The following SDF2 variants were observed in gnomAD, a reference collection of about 807,000 sequenced individuals.
SDF2 encodes the protein stromal cell derived factor 2.
A neutral mutation model predicts 20.5 loss-of-function variants in SDF2; 12 were observed. That is an observed-to-expected ratio of 0.58 (90% CI 0.37 to 0.95). SDF2 has a LOEUF of 0.95. SDF2 is among the 40% of genes least tolerant of loss of function. The pLI is 0.01. For synonymous variants in SDF2, 100 were observed against 101.0 expected, an observed-to-expected ratio of 0.99 and a Z score of 0.06; for missense variants, 238 against 263.1, an observed-to-expected ratio of 0.90 and a Z score of 0.66.
intron 2 of SDF2, 71 bp downstream of exon 2, chr17:28,655,216 A>C: frequency 8.5e-6 from 12 of 1,414,008 alleles, no homozygotes; most frequent in Non-Finnish European, 1.1e-5. Flanking sequence ...GAAACATTTA[A>C]GAACCAAGAG....
chr17:28,655,583 C>T, intron 1 of SDF2, 100 bp from the exon 2 acceptor site: 1 of 1,011,638 alleles, frequency 9.9e-7, no homozygotes, highest in Non-Finnish European at 1.5e-6. Context: ...TCACCTGTAA[C>T]CCACCACCAT....
intron 2 of SDF2, 150 bp from the exon 3 acceptor site, chr17:28,649,426 AG>A (rs2071893440): frequency 1.4e-6 from 1 of 708,712 alleles, no homozygotes; most frequent in African/African-American, 1.8e-5. Context: ...TGGGAAGCTG[AG>A]CAGGGCAGAT....
At chr17:28,649,941 TTTTATTTA>T (rs750927167) in intron 2 of SDF2, among the ~76,000 whole-genome samples, 3 of 151,026 alleles carry the variant, frequency 2.0e-5, no homozygotes, top group East Asian at 1.9e-4. Context: ...AGTGTTGTTA[TTTTATTTA>T]TTTATTTATT....
chr17:28,657,228 A>G (rs1168525465), intron 1 of SDF2, among the ~76,000 whole-genome samples: 2 of 152,106 alleles, frequency 1.3e-5, no homozygotes, highest in Non-Finnish European at 2.9e-5. Context: ...CTCTGTCTCA[A>G]AACAAAAACA....
At chr17:28,660,261 G>A (rs1271213099) in intron 1 of SDF2, among the ~76,000 whole-genome samples, 1 of 152,222 alleles carries the variant, frequency 6.6e-6, no homozygotes, top group Non-Finnish European at 1.5e-5. Flanking sequence ...AAGAGAGGGA[G>A]ACGGAGAGGG....
At chr17:28,661,083 T>TTAA (rs2072031297) in intron 1 of SDF2, 2 of 314,558 alleles carry the variant, frequency 6.4e-6, no homozygotes, top group Admixed American at 4.9e-5. Context: ...TTTCAAACGC[T>TTAA]AAAAAAAAAA....
Position 28,661,902 on chromosome 17 carries a change from T to C in SDF2, c.-26A>G, listed in dbSNP as rs1279652157. The C allele has an allele frequency of 4.4e-6, 7 of 1,582,186 alleles. No homozygotes were observed. The highest frequency in any genetic ancestry group is 6.1e-6 in the Non-Finnish European group (7 of 1,156,446). ...CCTAACTGTATCGCGGAGCCCCAAA[T>C]CTTCGAAGAAAACTCGGCCCCTCCC... On this transcript the variant is annotated 5_prime_UTR_variant, in exon 1 of 3. Transcript: ENST00000247020.
chr17:28,650,735 G>A (rs1347099834), intron 2 of SDF2, among the ~76,000 whole-genome samples: 2 of 138,198 alleles, frequency 1.4e-5, no homozygotes, highest in African/African-American at 5.4e-5. Context: ...GCCGTGAGCC[G>A]AAGGTTGCAG....
Position 28,649,233 on chromosome 17 carries a change from T to A in SDF2, c.392A>T (p.Asp131Val). Residue 131 changes from aspartate to valine, a missense_variant, in exon 3 of 3, where the codon GAT (aspartate) becomes GTT (valine). Coordinates refer to ENST00000247020, the MANE Select transcript of SDF2 (RefSeq NM_006923.4). Reference sequence around the variant, plus strand: ...TCCATTACAGAGCACTGTCCAGTCATCCAGATAATCACCTTCACCTTCCTC... The same window carrying A: ...TCCATTACAGAGCACTGTCCAGTCAACCAGATAATCACCTTCACCTTCCTC... ...FGEEGEGDYLDDWTVLCNGPY... is the reference protein window; with the variant it reads ...FGEEGEGDYLVDWTVLCNGPY... 6.2e-7 allele frequency: 1 copy of A among 1,614,154 alleles called. No individual in the cohort carries two copies. The highest frequency in any genetic ancestry group is 8.5e-7 in the Non-Finnish European group (1 of 1,180,032).
At chr17:28,662,110 T>G, upstream of SDF2, 1 of 434,386 alleles carries the variant, frequency 2.3e-6, no homozygotes. Context: ...CGGTTACCTT[T>G]CGCACCCACG....
chr17:28,652,132 G>C (rs1384004923), intron 2 of SDF2, among the ~76,000 whole-genome samples: 4 of 151,618 alleles, frequency 2.6e-5, no homozygotes, highest in Non-Finnish European at 4.4e-5. Context: ...CATCACACCT[G>C]TGAGTAGCCA....
Position 28,653,811 on chromosome 17 carries a change from A to AAAAAC in SDF2, c.348+1471_348+1475dup, listed in dbSNP as rs546437331. ...TGGGACAGAGCGAGACTCTGTCTCA[A>AAAAAC]AAAACAAAACAAAACAAAACAAAAC... On this transcript the variant is annotated intron_variant, in intron 2 of 2. Transcript: ENST00000247020. Among the ~76,000 whole-genome samples, 577 of 152,304 alleles carry AAAAAC rather than the reference A, an allele frequency of 3.8e-3. 7 individuals carry two copies. The highest frequency in any genetic ancestry group is 0.012 in the African/African-American group (513 of 41,564).
chr17:28,652,411 A>G (rs2071922657), intron 2 of SDF2, among the ~76,000 whole-genome samples: 1 of 152,002 alleles, frequency 6.6e-6, no homozygotes, highest in Non-Finnish European at 1.5e-5. Flanking sequence ...CCCAGGTTCA[A>G]ACGATTCTCC....
chr17:28,660,852 C>T (rs981685755), intron 1 of SDF2: 1 of 166,234 alleles, frequency 6.0e-6, no homozygotes, highest in Non-Finnish European at 1.3e-5. Context: ...ATGCCTCTCA[C>T]ATCTCACTAG....
chr17:28,661,048 A>G, intron 1 of SDF2: 1 of 389,564 alleles, frequency 2.6e-6, no homozygotes, highest in South Asian at 1.9e-5. Context: ...TGAATCCACA[A>G]ATAATTTATT....
intron 1 of SDF2, among the ~76,000 whole-genome samples, chr17:28,659,011 C>G (rs999110921): frequency 6.7e-6 from 1 of 149,830 alleles, no homozygotes; most frequent in Non-Finnish European, 1.5e-5. Context: ...CCTCCCCTCC[C>G]AGACGGGGCG....
intron 1 of SDF2, chr17:28,661,236 T>C (rs1445853531): frequency 9.1e-6 from 4 of 440,924 alleles, no homozygotes; most frequent in African/African-American, 6.1e-5. Flanking sequence ...AGACAAAGGG[T>C]TGTAGTCAAC....
At position 28,655,314 on chromosome 17, in the gene SDF2, G is replaced by A. The variant is rs1239247596; in HGVS notation, c.321C>T (p.His107=). 3 of 1,614,234 alleles carry A rather than the reference G, an allele frequency of 1.9e-6. No individual in the cohort carries two copies. Among genetic ancestry groups the A allele is most frequent in the African/African-American group, 2.7e-5 (2 of 75,062 alleles). The change falls in exon 2 of 3, where the codon CAC becomes CAT. Residue 107 remains histidine (H), a synonymous_variant. Coordinates refer to ENST00000247020, the MANE Select transcript of SDF2 (RefSeq NM_006923.4). ...GGTTTCCAGAAAGAGGTGAAGTGAA[G>A]TGGTGACTATGGAGGTTTCGGCCAG... The part of the protein sequence containing the change: ...VNTGRNLHSH[H]FTSPLSGNQE...
chr17:28,650,193 C>A (rs1409435832), intron 2 of SDF2, among the ~76,000 whole-genome samples: 1 of 151,554 alleles, frequency 6.6e-6, no homozygotes, highest in East Asian at 2.0e-4. Flanking sequence ...CTCAGGTGAT[C>A]CTCCCGCCTC....
Sources: allele counts gnomAD v4.1 joint callset (sites outside exome capture counted in the v4.1 genomes callset), GRCh38; gene constraint gnomAD v4.1.1; transcripts MANE v1.5; gene names NCBI Gene and HGNC (gene_info 2026-07-23, HGNC 2026-07-21).